ANKRD55: variants seen among roughly 807,000 people sequenced by gnomAD.
ANKRD55 encodes the protein ankyrin repeat domain-containing protein 55.
In ANKRD55, 41 loss-of-function variants were observed where a neutral mutation model predicts 60.6. The ratio of observed to expected loss-of-function variants is 0.68; its 90% CI spans 0.53 to 0.88. ANKRD55 has a LOEUF of 0.88. Among genes scored for constraint, ANKRD55 ranks in the 40% least tolerant of loss-of-function variants. The pLI is 0.00. For synonymous variants in ANKRD55, 264 were observed against 290.3 expected, an observed-to-expected ratio of 0.91 and a Z score of 0.92; for missense variants, 732 against 767.6, an observed-to-expected ratio of 0.95 and a Z score of 0.55.
chr5:56,166,162 C>CT (rs1561277918), intron 5 of ANKRD55, among the ~76,000 whole-genome samples: 21 of 65,150 alleles, frequency 3.2e-4, no homozygotes, highest in South Asian at 2.7e-3. Flanking sequence ...TTCTTCTTTC[C>CT]TTCCTTCCTT....
intron 5 of ANKRD55, chr5:56,162,092 A>G (rs6888176): frequency 0.2 from 192,661 of 968,066 alleles, 25,333 homozygotes; most frequent in African/African-American, 0.63. Context: ...GGGAGGAGGG[A>G]AGGGCAAGGC....
chr5:56,219,707 C>T lies in ANKRD55; in HGVS notation c.58+13149G>A, dbSNP rs71624123. On this transcript the variant is annotated intron_variant, in intron 2 of 11. Coordinates refer to ENST00000341048, the MANE Select transcript of ANKRD55 (RefSeq NM_024669.3). ...TGTGACTCCTGGTTAGTGGTCTTAG[C>T]CCCACCCATATGCCACCTTTTGCAC... Among the ~76,000 whole-genome samples the T allele has an allele frequency of 1.1e-4, 16 of 152,204 alleles. 1 individual carries two copies. The highest frequency in any genetic ancestry group is 1.2e-4 in the Non-Finnish European group (8 of 68,036).
chr5:56,124,033 C>A (rs1357130136), intron 8 of ANKRD55, among the ~76,000 whole-genome samples: 1 of 152,072 alleles, frequency 6.6e-6, no homozygotes, highest in East Asian at 1.9e-4. Flanking sequence ...AAGGATGCAG[C>A]GTTGGTTGAG....
chr5:56,226,850 G>C (rs1373646995), intron 2 of ANKRD55, among the ~76,000 whole-genome samples: 1 of 152,340 alleles, frequency 6.6e-6, no homozygotes, highest in African/African-American at 2.4e-5. Context: ...AGGTGCTGGA[G>C]AGGATGTGGA....
chr5:56,178,309 T>C (rs1274080830), intron 3 of ANKRD55, among the ~76,000 whole-genome samples: 1 of 151,772 alleles, frequency 6.6e-6, no homozygotes, highest in South Asian at 2.1e-4. Context: ...TCCACGTCAA[T>C]GTCTCAACGT....
At chr5:56,215,402 C>T (rs1271031561) in intron 2 of ANKRD55, among the ~76,000 whole-genome samples, 2 of 152,178 alleles carry the variant, frequency 1.3e-5, no homozygotes, top group Non-Finnish European at 2.9e-5. Context: ...AGAGGTGGGG[C>T]TGTCACACTG....
At chr5:56,210,636 C>T (rs1479317220) in intron 2 of ANKRD55, among the ~76,000 whole-genome samples, 1 of 150,348 alleles carries the variant, frequency 6.7e-6, no homozygotes, top group African/African-American at 2.4e-5. Flanking sequence ...TGTTATAATG[C>T]TACAGTTACC....
chr5:56,187,761 C>T (rs1310813331), intron 2 of ANKRD55, among the ~76,000 whole-genome samples: 7 of 152,212 alleles, frequency 4.6e-5, no homozygotes, highest in Admixed American at 3.3e-4. Context: ...CCGTGACCCA[C>T]GGCTTCTAAT....
At chr5:56,101,408 GTGTT>G (rs778375097) in intron 11 of ANKRD55, among the ~76,000 whole-genome samples, 2 of 145,278 alleles carry the variant, frequency 1.4e-5, no homozygotes, top group South Asian at 4.6e-4. Context: ...GTGTGTGTGT[GTGTT>G]TGTCTGTGAT....
At chr5:56,218,201 A>G (rs1454473133) in intron 2 of ANKRD55, among the ~76,000 whole-genome samples, 3 of 152,368 alleles carry the variant, frequency 2.0e-5, no homozygotes, top group Non-Finnish European at 4.4e-5. Context: ...TGAAATGACA[A>G]CAAAGGATTT....
chr5:56,137,205 G>T, intron 7 of ANKRD55: 2 of 1,610,406 alleles, frequency 1.2e-6, no homozygotes, highest in Non-Finnish European at 1.7e-6. Context: ...CAAGCAGTGG[G>T]GCTGGACACA....
chr5:56,165,997 A>G (rs185164516), intron 5 of ANKRD55, among the ~76,000 whole-genome samples: 224 of 152,218 alleles, frequency 1.5e-3, no homozygotes, highest in African/African-American at 5.1e-3. Context: ...CCAAGAGAAT[A>G]AGAGCTGGAG....
At chr5:56,203,809 T>C (rs947819956) in intron 2 of ANKRD55, among the ~76,000 whole-genome samples, 5 of 152,212 alleles carry the variant, frequency 3.3e-5, no homozygotes, top group Non-Finnish European at 7.3e-5. Context: ...TGTGCATGTG[T>C]CTTTATAGCA....
intron 2 of ANKRD55, among the ~76,000 whole-genome samples, chr5:56,214,281 G>A (rs906377978): frequency 2.6e-4 from 40 of 152,252 alleles, no homozygotes; most frequent in Admixed American, 2.6e-3. Context: ...AAGGCTTGGA[G>A]TGTGGGATGT....
At chr5:56,182,797 C>T (rs527547157) in intron 3 of ANKRD55, among the ~76,000 whole-genome samples, 5 of 152,240 alleles carry the variant, frequency 3.3e-5, no homozygotes, top group Non-Finnish European at 7.3e-5. Context: ...AGGTTTCCTA[C>T]TCAGTCTTTG....
intron 9 of ANKRD55, among the ~76,000 whole-genome samples, chr5:56,115,957 C>G (rs566793758): frequency 6.6e-6 from 1 of 152,072 alleles, no homozygotes; most frequent in African/African-American, 2.4e-5. Flanking sequence ...CAGGTTCAAG[C>G]TATTCTCTTG....
chr5:56,122,573 C>T (rs56804268), intron 8 of ANKRD55, among the ~76,000 whole-genome samples: 1,607 of 151,758 alleles, frequency 0.011, 25 homozygotes, highest in African/African-American at 0.038. Context: ...ACAGGAGAAT[C>T]GCTTGAACCA....
chr5:56,150,420 A>G (rs1012334533), intron 6 of ANKRD55, among the ~76,000 whole-genome samples: 1 of 144,034 alleles, frequency 6.9e-6, no homozygotes, highest in Non-Finnish European at 1.5e-5. Context: ...CCTTGGCAAC[A>G]TGGTGAAACT....
At chr5:56,229,943 A>G (rs1209504137) in intron 2 of ANKRD55, among the ~76,000 whole-genome samples, 1 of 152,134 alleles carries the variant, frequency 6.6e-6, no homozygotes, top group Non-Finnish European at 1.5e-5. Flanking sequence ...CTCATCTGAA[A>G]TGTGGAAGAG....
Sources: allele counts gnomAD v4.1 joint callset (sites outside exome capture counted in the v4.1 genomes callset), GRCh38; gene constraint gnomAD v4.1.1; transcripts MANE v1.5; gene names NCBI Gene and HGNC (gene_info 2026-07-23, HGNC 2026-07-21).